The following GRIK4 variants were observed in gnomAD, a reference collection of about 807,000 sequenced individuals.
GRIK4 encodes glutamate ionotropic receptor kainate type subunit 4.
A neutral mutation model predicts 104.9 loss-of-function variants in GRIK4; 40 were observed. That is an observed-to-expected ratio of 0.38 (90% confidence interval 0.30 to 0.50). GRIK4 has a LOEUF of 0.50. GRIK4 is among the 20% of genes least tolerant of loss of function. GRIK4 has a pLI of 0.93. For missense variants in GRIK4, 1,047 were observed against 1,308.1 expected (o/e 0.80, Z 3.08); for synonymous variants, 485 against 524.9 (o/e 0.92, Z 1.04).
At chr11:120,749,841 T>A (rs1454254025) in intron 3 of GRIK4, among the ~76,000 whole-genome samples, 21 of 152,128 alleles carry the variant, frequency 1.4e-4, no homozygotes, top group Admixed American at 1.4e-3. Flanking sequence ...CATTTTAAAA[T>A]TTACTTTTAT....
At chr11:120,617,674 A>G (rs1254585189) in intron 1 of GRIK4, among the ~76,000 whole-genome samples, 1 of 152,040 alleles carries the variant, frequency 6.6e-6, no homozygotes, top group Non-Finnish European at 1.5e-5. Flanking sequence ...TTCTTGTGAG[A>G]TCTGGTCATT....
At position 120,986,233 on chromosome 11, in the gene GRIK4, A is replaced by G. The variant is rs754910777; in HGVS notation, c.2844A>G (p.Lys948=). ...GCGAGGAGAGCCTGGAGTGGGAGAA[A>G]ACCACCAACAGCAGCGAGCCCGAGT... ...ARSEESLEWE[K]TTNSSEPE Residue 948 remains lysine, a synonymous_variant, in exon 21 of 21, where the codon AAA becomes AAG. Coordinates refer to ENST00000527524, the MANE Select transcript of GRIK4 (RefSeq NM_014619.5). 1.9e-6 allele frequency: 3 copies of G among 1,571,610 alleles called. No individual in the cohort carries two copies.
intron 8 of GRIK4, among the ~76,000 whole-genome samples, chr11:120,851,497 G>C (rs578017758): frequency 3.9e-5 from 6 of 152,130 alleles, no homozygotes; most frequent in Non-Finnish European, 8.8e-5. Context: ...CTACTCTTCA[G>C]GACTTACCTT....
intron 1 of GRIK4, chr11:120,514,962 C>A (rs1947706991): frequency 1.3e-5 from 6 of 456,524 alleles, no homozygotes; most frequent in South Asian, 9.3e-5. Context: ...AGCCATCCTG[C>A]CGCTGTGCCT....
intron 13 of GRIK4, among the ~76,000 whole-genome samples, chr11:120,937,698 G>C (rs552962459): frequency 1.3e-5 from 2 of 152,290 alleles, no homozygotes; most frequent in East Asian, 1.9e-4. Flanking sequence ...GCTCTGTCCA[G>C]ACGTGAGGCA....
At chr11:120,566,126 A>C (rs1479672159) in intron 1 of GRIK4, among the ~76,000 whole-genome samples, 1 of 152,222 alleles carries the variant, frequency 6.6e-6, no homozygotes, top group Admixed American at 6.5e-5. Flanking sequence ...TTCTTTGCCT[A>C]TTACCCTAGG....
At chr11:120,948,779 C>T (rs1031638190) in intron 14 of GRIK4, among the ~76,000 whole-genome samples, 1 of 152,194 alleles carries the variant, frequency 6.6e-6, no homozygotes, top group Admixed American at 6.5e-5. Flanking sequence ...CCCCACTCCC[C>T]CTTCACTCAC....
intron 16 of GRIK4, among the ~76,000 whole-genome samples, chr11:120,957,818 G>A (rs1944196749): frequency 6.6e-6 from 1 of 152,172 alleles, no homozygotes; most frequent in African/African-American, 2.4e-5. Context: ...GGGTGGTCTG[G>A]ACAGAATTAC....
chr11:120,941,987 T>C (rs1207120931), intron 14 of GRIK4, among the ~76,000 whole-genome samples: 1 of 152,242 alleles, frequency 6.6e-6, no homozygotes, highest in African/African-American at 2.4e-5. Context: ...TTTAAAAACA[T>C]GGGCAAGGCC....
intron 3 of GRIK4, among the ~76,000 whole-genome samples, chr11:120,789,198 A>T (rs1369980625): frequency 6.6e-6 from 1 of 152,158 alleles, no homozygotes; most frequent in Non-Finnish European, 1.5e-5. Flanking sequence ...GGAGAGCCAG[A>T]CCAGTAACTT....
intron 3 of GRIK4, among the ~76,000 whole-genome samples, chr11:120,795,530 C>T (rs145211285): frequency 1.6e-3 from 248 of 152,348 alleles, no homozygotes; most frequent in African/African-American, 5.6e-3. Flanking sequence ...TTGATTCACT[C>T]AACAACCATT....
At chr11:120,637,796 G>A (rs1482815097) in intron 1 of GRIK4, among the ~76,000 whole-genome samples, 6 of 151,988 alleles carry the variant, frequency 3.9e-5, no homozygotes, top group Non-Finnish European at 5.9e-5. Flanking sequence ...GGGCCCCTTT[G>A]CCTACAGAAC....
intron 1 of GRIK4, among the ~76,000 whole-genome samples, chr11:120,585,881 T>C (rs1178893194): frequency 1.3e-5 from 2 of 152,164 alleles, no homozygotes; most frequent in African/African-American, 4.8e-5. Context: ...GACTGAGTTC[T>C]GGCTTGAGAA....
chr11:120,793,595 G>A (rs148187658), intron 3 of GRIK4, among the ~76,000 whole-genome samples: 1 of 152,146 alleles, frequency 6.6e-6, no homozygotes, highest in Admixed American at 6.5e-5. Flanking sequence ...AGAGCAGGGT[G>A]ATGGTTGGAG....
intron 1 of GRIK4, among the ~76,000 whole-genome samples, chr11:120,608,447 A>G (rs1047832724): frequency 6.6e-6 from 1 of 152,240 alleles, no homozygotes; most frequent in Admixed American, 6.5e-5. Flanking sequence ...CCCACTGGCC[A>G]CACTCTGTGT....
intron 3 of GRIK4, among the ~76,000 whole-genome samples, chr11:120,665,639 C>T (rs1401035650): frequency 6.6e-6 from 1 of 152,152 alleles, no homozygotes; most frequent in Admixed American, 6.5e-5. Context: ...CTTCTCTTCC[C>T]CCAGGAATTG....
intron 3 of GRIK4, among the ~76,000 whole-genome samples, chr11:120,794,113 G>A (rs1231086283): frequency 4.0e-5 from 6 of 150,016 alleles, no homozygotes; most frequent in South Asian, 2.1e-4. Flanking sequence ...GCTGAGAGCC[G>A]GGTGATGGTT....
At chr11:120,771,681 A>G (rs1951944854) in intron 3 of GRIK4, among the ~76,000 whole-genome samples, 1 of 152,224 alleles carries the variant, frequency 6.6e-6, no homozygotes, top group Admixed American at 6.5e-5. Context: ...GGAATCCAGG[A>G]CCTATTATAC....
chr11:120,913,754 C>CA (rs1314510968), intron 13 of GRIK4, among the ~76,000 whole-genome samples: 1 of 150,454 alleles, frequency 6.6e-6, no homozygotes, highest in East Asian at 2.0e-4. Flanking sequence ...CCTGGGTGCC[C>CA]AGGAGAAAGG....
Sources: gnomAD v4.1 joint callset for allele counts (sites outside exome capture counted in the v4.1 genomes callset) on GRCh38, gnomAD v4.1.1 for gene constraint, MANE v1.5 for transcripts, NCBI Gene and HGNC (gene_info 2026-07-23, HGNC 2026-07-21) for gene names.